Variants in TTC6 observed in about 807,000 individuals in gnomAD.
TTC6 encodes the protein tetratricopeptide repeat domain 6.
TTC6 carries 172 observed loss-of-function variants against 210.4 expected under a neutral mutation model. That is an observed-to-expected ratio of 0.82 (90% CI 0.72 to 0.93). The LOEUF (loss-of-function observed/expected upper bound fraction) is 0.93, where lower values mean the gene tolerates loss of function less well. Ranked by LOEUF, TTC6 falls within the 40% of genes least tolerant of loss-of-function variation. The pLI is 0.00. For missense variants in TTC6, 2,414 were observed against 2,318.1 expected (o/e 1.04, Z -0.85); for synonymous variants, 804 against 819.6 (o/e 0.98, Z 0.32).
intron 14 of TTC6, among the ~76,000 whole-genome samples, chr14:37,768,515 A>G (rs1205385028): frequency 7.9e-5 from 12 of 152,064 alleles, no homozygotes. Context: ...GAGGTCTTTC[A>G]CTTCCCTTGT....
intron 5 of TTC6, among the ~76,000 whole-genome samples, chr14:37,703,774 T>C (rs183704935): frequency 1.4e-4 from 22 of 152,310 alleles, no homozygotes; most frequent in Admixed American, 5.9e-4. Flanking sequence ...ACAGTAATTA[T>C]GATGAGAACT....
chr14:37,705,266 A>G (rs2095833188), intron 5 of TTC6, among the ~76,000 whole-genome samples: 1 of 152,184 alleles, frequency 6.6e-6, no homozygotes, highest in Non-Finnish European at 1.5e-5. Flanking sequence ...TATACATTAG[A>G]ACAGCAGCAA....
Position 37,638,063 on chromosome 14 carries a change from C to T in TTC6, c.939+15060C>T, listed in dbSNP as rs188647396. Among the ~76,000 whole-genome samples the T allele has an allele frequency of 1.5e-4, 23 of 152,092 alleles. No homozygotes were observed. The East Asian group carries it at 4.5e-3, about 29-fold the overall frequency. Reference sequence around the variant, plus strand: ...TCCTAGTGGCTTTTTTCATAATAACCCCTAACTGTCAACAACCCAGATGTC... The same window carrying T: ...TCCTAGTGGCTTTTTTCATAATAACTCCTAACTGTCAACAACCCAGATGTC... On this transcript the variant is annotated intron_variant, in intron 1 of 30. Transcript: ENST00000553443.
intron 14 of TTC6, 132 bp downstream of exon 16, chr14:37,753,367 A>G: frequency 1.3e-6 from 1 of 760,572 alleles, no homozygotes; most frequent in Non-Finnish European, 2.0e-6. Flanking sequence ...GCCACCAGTA[A>G]ATGAAAAATC....
At chr14:37,747,866 T>C (rs1201160357) in intron 10 of TTC6, among the ~76,000 whole-genome samples, 1 of 152,194 alleles carries the variant, frequency 6.6e-6, no homozygotes, top group Non-Finnish European at 1.5e-5. Context: ...GGCAATGGCC[T>C]TCAGGCTTGC....
At chr14:37,695,853 T>C (rs888536892) in intron 3 of TTC6, among the ~76,000 whole-genome samples, 2 of 152,064 alleles carry the variant, frequency 1.3e-5, no homozygotes, top group African/African-American at 4.8e-5. Context: ...AAATTAAGAA[T>C]TAAAAAAAGA....
chr14:37,653,008 C>G (rs2095715760), intron 1 of TTC6, among the ~76,000 whole-genome samples: 1 of 152,182 alleles, frequency 6.6e-6, no homozygotes, highest in Admixed American at 6.5e-5. Context: ...ACTAAGTTAT[C>G]CCTAAACTCT....
chr14:37,804,518 T>C (rs892308609), intron 20 of TTC6, among the ~76,000 whole-genome samples, 162 bp from the exon 23 acceptor site: 1 of 152,192 alleles, frequency 6.6e-6, no homozygotes, highest in African/African-American at 2.4e-5. Context: ...CTTCTTGTAG[T>C]GTACTGACAA....
intron 1 of TTC6, among the ~76,000 whole-genome samples, chr14:37,600,109 A>G (rs1294843987): frequency 6.6e-6 from 1 of 152,168 alleles, no homozygotes; most frequent in Non-Finnish European, 1.5e-5. Context: ...GCTTCACACA[A>G]AGAGGTGGAA....
chr14:37,716,602 A>G (rs2095853163), intron 6 of TTC6, among the ~76,000 whole-genome samples: 1 of 152,154 alleles, frequency 6.6e-6, no homozygotes, highest in Admixed American at 6.5e-5. Flanking sequence ...ATTATATTAT[A>G]ATAAAAGTGT....
chr14:37,814,168 A>G (rs549133336), intron 25 of TTC6, among the ~76,000 whole-genome samples: 1 of 152,198 alleles, frequency 6.6e-6, no homozygotes, highest in Non-Finnish European at 1.5e-5. Context: ...ACCTTACTTG[A>G]TATGACTGCT....
chr14:37,775,699 T>C (rs970698580), intron 14 of TTC6, among the ~76,000 whole-genome samples: 6 of 152,202 alleles, frequency 3.9e-5, no homozygotes, highest in South Asian at 2.1e-4. Flanking sequence ...CAATGACTTG[T>C]TAATACTGTC....
rs545387354 is a variant in TTC6 at position 37,598,960 on chromosome 14, G to C, written c.-235+2952G>C. On this transcript the variant is annotated intron_variant, in intron 1 of 2. Transcript: ENST00000556845. This position sits in a 1 kb window ranked among gnomAD's most constrained non-coding sequence, Gnocchi z 4.9. The stretch of plus-strand genomic sequence containing the variant: ...CCCCCCACCCAGATAAGAAGCTTAA[G>C]TCCTCCTTCTGCAGGGGAGAATCGG... Among the ~76,000 whole-genome samples, 4 of 141,762 alleles carry C rather than the reference G, an allele frequency of 2.8e-5. No individual in the cohort carries two copies. Among genetic ancestry groups the C allele is most frequent in the Non-Finnish European group, 6.0e-5 (4 of 66,712 alleles). 93.0% of individuals were successfully genotyped at this position (141,762 alleles called of 152,430 possible). A position where few individuals can be genotyped will look rare whatever the true frequency, so the allele number is the denominator to read the frequency against.
chr14:37,682,197 G>A (rs1464527440), intron 2 of TTC6, among the ~76,000 whole-genome samples: 1 of 151,400 alleles, frequency 6.6e-6, no homozygotes, highest in Non-Finnish European at 1.5e-5. Context: ...CTGATGACCA[G>A]TGACAAAAAT....
At chr14:37,797,589 C>T (rs1209930819) in intron 20 of TTC6, among the ~76,000 whole-genome samples, 4 of 151,704 alleles carry the variant, frequency 2.6e-5, no homozygotes, top group Admixed American at 6.6e-5. Context: ...TGTGCCTCGT[C>T]TTTTGTCTCT....
intron 14 of TTC6, 62 bp downstream of exon 16, chr14:37,753,297 A>T: frequency 7.3e-7 from 1 of 1,370,604 alleles, no homozygotes; most frequent in Non-Finnish European, 9.8e-7. Flanking sequence ...CATTTTCAGA[A>T]CAGAAAATTG....
intron 27 of TTC6, 100 bp downstream of exon 29, chr14:37,824,057 A>T: frequency 1.8e-6 from 2 of 1,104,626 alleles, no homozygotes; most frequent in Non-Finnish European, 2.6e-6. Context: ...TTCTTTGGTT[A>T]TGAACATTTA....
rs1240686811 is a variant in TTC6 at position 37,680,255 on chromosome 14, G to A, written c.1044G>A (p.Ser348=). The A allele has an allele frequency of 2.0e-5, 30 of 1,518,700 alleles. No individual in the cohort carries two copies. In the East Asian group the frequency reaches 3.0e-4, roughly 15 times the overall value. The allele number at this position is 1,518,700 out of a possible 1,614,324, so 94.1% of individuals were successfully genotyped here. ...AATTCCAGATGGGTGCTGAGGAATC[G>A]CAAATGGTAAAGTCTTTAATAAAAA... The change falls in exon 2 of 31, where the codon TCG becomes TCA. Residue 348 remains serine (S), a synonymous_variant. Transcript: ENST00000553443.
intron 13 of TTC6, among the ~76,000 whole-genome samples, chr14:37,752,462 T>C (rs1290487086): frequency 6.6e-6 from 1 of 151,932 alleles, no homozygotes; most frequent in African/African-American, 2.4e-5. Context: ...CCTGCACCAA[T>C]AGTTTAGAAA....
Sources: gnomAD v4.1 joint callset for allele counts (sites outside exome capture counted in the v4.1 genomes callset) on GRCh38, gnomAD v4.1.1 for gene constraint, Gnocchi (gnomAD v3.1) non-coding constraint, MANE v1.5 for transcripts, NCBI Gene and HGNC (gene_info 2026-07-23, HGNC 2026-07-21) for gene names.